RBFOX1: variants seen among roughly 807,000 people sequenced by gnomAD.
RBFOX1 encodes RNA binding fox-1 homolog 1.
A neutral mutation model predicts 57.7 loss-of-function variants in RBFOX1; 8 were observed. That is an observed-to-expected ratio of 0.14 (90% CI 0.08 to 0.25). The LOEUF (loss-of-function observed/expected upper bound fraction) is 0.25, where lower values mean the gene tolerates loss of function less well. RBFOX1 is among the 10% of genes least tolerant of loss of function. The pLI is 1.00. For synonymous variants in RBFOX1, 326 were observed against 222.4 expected (o/e 1.47, Z -4.15); for missense variants, 611 against 548.5 (o/e 1.11, Z -1.14).
chr16:5,273,729 A>T (rs962065479), intron 1 of RBFOX1, among the ~76,000 whole-genome samples: 4 of 152,142 alleles, frequency 2.6e-5, no homozygotes, highest in African/African-American at 7.2e-5. Context: ...CAGTGGAATG[A>T]TGCTGTGAGG....
intron 1 of RBFOX1, among the ~76,000 whole-genome samples, chr16:6,315,020 A>C (rs1041577643): frequency 5.9e-5 from 9 of 152,246 alleles, no homozygotes; most frequent in African/African-American, 2.2e-4. Context: ...GTAGGCACCA[A>C]GGGGACAGTT....
intron 1 of RBFOX1, among the ~76,000 whole-genome samples, chr16:5,329,387 C>A (rs960415643): frequency 6.6e-6 from 1 of 152,016 alleles, no homozygotes; most frequent in Non-Finnish European, 1.5e-5. Context: ...GAAGGGACTA[C>A]CCACTTTTAA....
At chr16:5,653,388 AGGTGGGGTGCTGAG>A (rs2049313184) in intron 3 of RBFOX1, among the ~76,000 whole-genome samples, 1 of 149,914 alleles carries the variant, frequency 6.7e-6, no homozygotes, top group African/African-American at 2.5e-5. Context: ...TATATGCGGA[AGGTGGGGTGCTGAG>A]CCGTGTGCTG....
intron 2 of RBFOX1, among the ~76,000 whole-genome samples, chr16:6,358,488 AT>A (rs1157161147): frequency 1.3e-5 from 2 of 152,220 alleles, no homozygotes; most frequent in South Asian, 2.1e-4. Flanking sequence ...TAATTCACTA[AT>A]TAATCCCATA....
At chr16:6,354,271 A>T (rs952944899) in intron 2 of RBFOX1, among the ~76,000 whole-genome samples, 1 of 152,088 alleles carries the variant, frequency 6.6e-6, no homozygotes, top group African/African-American at 2.4e-5. Context: ...AAAAAATAGC[A>T]ACAGTTTTCC....
At chr16:6,676,297 T>C (rs1170810904) in intron 3 of RBFOX1, among the ~76,000 whole-genome samples, 1 of 151,598 alleles carries the variant, frequency 6.6e-6, no homozygotes, top group Admixed American at 6.6e-5. Context: ...GTGGAGAAAG[T>C]GGATAGGGAA....
At chr16:6,532,131 C>G (rs1168365498) in intron 2 of RBFOX1, among the ~76,000 whole-genome samples, 6 of 152,142 alleles carry the variant, frequency 3.9e-5, no homozygotes, top group Non-Finnish European at 7.3e-5. Flanking sequence ...AATACCTCCC[C>G]TTCTTGAGCT....
intron 14 of RBFOX1, among the ~76,000 whole-genome samples, chr16:7,700,747 C>CTG (rs1167392946): frequency 6.6e-6 from 1 of 152,160 alleles, no homozygotes; most frequent in Non-Finnish European, 1.5e-5. Context: ...GACTTACTTA[C>CTG]TGTGTCTTCT....
chr16:6,367,891 T>A (rs1278905767), intron 2 of RBFOX1, among the ~76,000 whole-genome samples: 1 of 152,206 alleles, frequency 6.6e-6, no homozygotes, highest in Non-Finnish European at 1.5e-5. Context: ...ACTCCTACTG[T>A]GAAACTCAAA....
At chr16:6,014,556 T>C (rs1205241035), upstream of RBFOX1, among the ~76,000 whole-genome samples, 3 of 152,160 alleles carry the variant, frequency 2.0e-5, no homozygotes, top group African/African-American at 7.2e-5. Flanking sequence ...GTATCTGCCA[T>C]GTGCCCAAGG....
intron 4 of RBFOX1, among the ~76,000 whole-genome samples, chr16:5,898,335 A>G (rs929671789): frequency 6.6e-6 from 1 of 152,128 alleles, no homozygotes; most frequent in African/African-American, 2.4e-5. Context: ...ATGTCAGGGT[A>G]TCATAGAGCA....
intron 11 of RBFOX1, among the ~76,000 whole-genome samples, chr16:7,635,362 A>G (rs2061588027): frequency 6.6e-6 from 1 of 152,224 alleles, no homozygotes; most frequent in African/African-American, 2.4e-5. Flanking sequence ...TCAGGATTTT[A>G]TGAATATGTT....
chr16:5,902,271 C>A (rs1348830859), intron 4 of RBFOX1, among the ~76,000 whole-genome samples: 5 of 151,964 alleles, frequency 3.3e-5, no homozygotes. Flanking sequence ...AATTCTGCAC[C>A]CTAGCCTAAG....
At chr16:7,600,924 C>G (rs112307513) in intron 9 of RBFOX1, among the ~76,000 whole-genome samples, 22 of 152,296 alleles carry the variant, frequency 1.4e-4, no homozygotes, top group African/African-American at 5.3e-4. Context: ...TTAAAAAGTT[C>G]CACAAAGAGG....
chr16:5,755,559 G>A (rs1357282348), intron 3 of RBFOX1, among the ~76,000 whole-genome samples: 1 of 152,132 alleles, frequency 6.6e-6, no homozygotes, highest in African/African-American at 2.4e-5. Flanking sequence ...TTCCCCATGG[G>A]CATCTATTTG....
At chr16:6,844,476 T>G (rs939409091) in intron 3 of RBFOX1, among the ~76,000 whole-genome samples, 1 of 152,198 alleles carries the variant, frequency 6.6e-6, no homozygotes, top group Non-Finnish European at 1.5e-5. Context: ...GTTAGTTATC[T>G]TCCAACTCCA....
intron 4 of RBFOX1, among the ~76,000 whole-genome samples, chr16:7,281,755 G>T (rs1219874221): frequency 6.6e-6 from 1 of 152,102 alleles, no homozygotes; most frequent in Non-Finnish European, 1.5e-5. Flanking sequence ...TTTATAGTTT[G>T]CTTGAGTTTG....
At chr16:7,394,018 C>T (rs1171838981) in intron 4 of RBFOX1, among the ~76,000 whole-genome samples, 5 of 151,930 alleles carry the variant, frequency 3.3e-5, no homozygotes, top group Admixed American at 6.6e-5. Context: ...GGCAGATCAC[C>T]TGAGGTCAGG....
Position 5,698,200 on chromosome 16 carries a change from C to T in RBFOX1, c.318+99239C>T, listed in dbSNP as rs1188795777. ...TGAGAATGGTTTATAATTTTCTCTT[C>T]TTACACTGTTCTTGTTTGATTTTGT... On this transcript the variant is annotated intron_variant, in intron 3 of 19. Coordinates refer to the RBFOX1 transcript ENST00000641259. 3.9e-5 allele frequency among the ~76,000 whole-genome samples: 6 copies of T among 152,052 alleles called. No individual in the cohort carries two copies. The East Asian group carries it at 1.2e-3, about 29-fold the overall frequency.
Sources: gnomAD v4.1 joint callset for allele counts (sites outside exome capture counted in the v4.1 genomes callset) on GRCh38, gnomAD v4.1.1 for gene constraint, MANE v1.5 for transcripts, NCBI Gene and HGNC (gene_info 2026-07-23, HGNC 2026-07-21) for gene names.